Variants in TMPRSS15 observed in about 807,000 individuals in gnomAD.
TMPRSS15 encodes the protein transmembrane serine protease 15.
A neutral mutation model predicts 125.3 loss-of-function variants in TMPRSS15; 128 were observed. The ratio of observed to expected loss-of-function variants is 1.02; its 90% CI spans 0.89 to 1.18. The LOEUF is 1.18. TMPRSS15 is among the 50% of genes most tolerant of loss of function. TMPRSS15 has a pLI of 0.00. For synonymous variants in TMPRSS15, 446 were observed against 423.2 expected, an observed-to-expected ratio of 1.05 and a Z score of -0.66; for missense variants, 1,283 against 1,212.7, an observed-to-expected ratio of 1.06 and a Z score of -0.86.
At chr21:18,304,606 G>A (rs1161773848) in intron 18 of TMPRSS15, among the ~76,000 whole-genome samples, 1 of 152,012 alleles carries the variant, frequency 6.6e-6, no homozygotes, top group East Asian at 1.9e-4. Flanking sequence ...AAAATTATTA[G>A]CAACATCTAT....
At position 18,415,619 on chromosome 21, in the gene TMPRSS15, C is replaced by T. The variant is rs116314265; in HGVS notation, c.11-17290G>A. Reference sequence around the variant, plus strand: ...TTTTTGAAGAAATTATACTTCCTTACCCATTGTGTATCCTTAGCACTGTTG... The same window carrying T: ...TTTTTGAAGAAATTATACTTCCTTATCCATTGTGTATCCTTAGCACTGTTG... On this transcript the variant is annotated intron_variant, in intron 1 of 7. Transcript: ENST00000422787. Among the ~76,000 whole-genome samples, 1,173 of 152,152 alleles carry T rather than the reference C, an allele frequency of 7.7e-3. 19 individuals are homozygous for T. The highest frequency in any genetic ancestry group is 0.027 in the African/African-American group (1,118 of 41,532).
rs1434705990 is a variant in TMPRSS15, at chr21:18,365,601, TCTTTC to T, written c.665-358_665-354del. Among the ~76,000 whole-genome samples, 115 of 123,544 alleles carry T rather than the reference TCTTTC, an allele frequency of 9.3e-4. 3 individuals carry two copies. The highest frequency in any genetic ancestry group is 3.3e-3 in the African/African-American group (108 of 33,214). 81.0% of individuals were successfully genotyped at this position (123,544 alleles called of 152,430 possible). On this transcript the variant is annotated intron_variant, in intron 6 of 24. Transcript: ENST00000284885. Reference sequence around the variant, plus strand: ...CTCTCTTTTTCCTTCCTTCCTTCCTTCTTTCCTTCCTTTTCTCTCTTTCTTTCTCT... The same window carrying T: ...CTCTCTTTTTCCTTCCTTCCTTCCTTCTTCCTTTTCTCTCTTTCTTTCTCT...
intron 13 of TMPRSS15, among the ~76,000 whole-genome samples, chr21:18,339,192 T>C (rs1397555585): frequency 1.3e-5 from 2 of 151,722 alleles, no homozygotes; most frequent in African/African-American, 2.4e-5. Context: ...AATGATTAAA[T>C]ATTGAGTAAC....
intron 1 of TMPRSS15, among the ~76,000 whole-genome samples, chr21:18,477,084 A>G (rs1216060789): frequency 6.6e-6 from 1 of 152,176 alleles, no homozygotes; most frequent in Non-Finnish European, 1.5e-5. Flanking sequence ...TAATGAGGGC[A>G]AAAGTTAATA....
At position 18,384,655 on chromosome 21, in the gene TMPRSS15, C is replaced by A. The variant is rs531470335; in HGVS notation, c.345-877G>T. On this transcript the variant is annotated intron_variant, in intron 3 of 24. Transcript: ENST00000284885. ...TTTTAGGGTATGACCACTTGGGAGA[C>A]AAACTATAGCTCTGATATTTATTCT... Among the ~76,000 whole-genome samples the A allele has an allele frequency of 4.6e-5, 7 of 152,236 alleles. 1 individual carries two copies. In the South Asian group the frequency reaches 1.2e-3, roughly 27 times the overall value.
intron 1 of TMPRSS15, among the ~76,000 whole-genome samples, chr21:18,472,496 TACAC>T (rs1402160101): frequency 6.8e-6 from 1 of 147,552 alleles, no homozygotes; most frequent in African/African-American, 2.5e-5. Context: ...CACACACACA[TACAC>T]ACACATATAT....
At chr21:18,393,450 C>T (rs1002470696) in intron 3 of TMPRSS15, among the ~76,000 whole-genome samples, 6 of 152,156 alleles carry the variant, frequency 3.9e-5, no homozygotes, top group Non-Finnish European at 7.4e-5. Context: ...TTGTTAGTCA[C>T]ATTACATGAG....
In TMPRSS15 at chr21:18,448,136, G is replaced by A. The variant is rs181512033; in HGVS notation, c.10+37663C>T. On this transcript the variant is annotated intron_variant, in intron 1 of 7. Transcript: ENST00000422787. ...CGTATATCCAAAGGAAATTAAATCA[G>A]TATGTTGAAGAGGTATCTACATTTC... is the stretch of plus-strand genomic sequence containing the variant. Among the ~76,000 whole-genome samples the A allele has an allele frequency of 3.5e-3, 539 of 152,234 alleles. 4 individuals are homozygous for A. The highest frequency in any genetic ancestry group is 0.02 in the South Asian group (94 of 4,812).
intron 1 of TMPRSS15, among the ~76,000 whole-genome samples, chr21:18,465,931 C>CA (rs1382428673): frequency 1.3e-5 from 2 of 151,966 alleles, no homozygotes; most frequent in African/African-American, 2.4e-5. Flanking sequence ...CATATGGAAC[C>CA]AAAAAAGAGC....
At chr21:18,456,873 C>CT in intron 1 of TMPRSS15, among the ~76,000 whole-genome samples, 1 of 151,970 alleles carries the variant, frequency 6.6e-6, no homozygotes, top group East Asian at 1.9e-4. Context: ...AGGTAACTTT[C>CT]TTTTTAGGTA....
At chr21:18,341,891 G>A (rs567498257) in intron 12 of TMPRSS15, among the ~76,000 whole-genome samples, 1 of 152,208 alleles carries the variant, frequency 6.6e-6, no homozygotes, top group East Asian at 1.9e-4. Flanking sequence ...ATATCATCTG[G>A]CAGGAGAAAG....
At chr21:18,385,937 G>T (rs1008459709) in intron 3 of TMPRSS15, among the ~76,000 whole-genome samples, 10 of 151,966 alleles carry the variant, frequency 6.6e-5, no homozygotes, top group Non-Finnish European at 8.8e-5. Flanking sequence ...TAGAGATGGG[G>T]TTTCACCATG....
rs111744345 is a variant in TMPRSS15, at chr21:18,376,465, A to G, written c.532+2818T>C. ...AATCGAGGAAAATAATTCTACCTTG[A>G]GTTGTTTTGGCCCAATTTCATGTTT... On this transcript the variant is annotated intron_variant, in intron 5 of 24. Coordinates refer to ENST00000284885, the MANE Select transcript of TMPRSS15 (RefSeq NM_002772.3). 2.6e-3 allele frequency among the ~76,000 whole-genome samples: 395 copies of G among 152,268 alleles called. 4 individuals carry two copies. The highest frequency in any genetic ancestry group is 8.6e-3 in the African/African-American group (359 of 41,550).
chr21:18,459,540 C>T (rs1005110370), intron 1 of TMPRSS15, among the ~76,000 whole-genome samples: 3 of 152,176 alleles, frequency 2.0e-5, no homozygotes, highest in Non-Finnish European at 4.4e-5. Flanking sequence ...TCCCAAAGTG[C>T]TGGGATTACA....
intron 8 of TMPRSS15, among the ~76,000 whole-genome samples, chr21:18,359,218 C>T (rs118019419): frequency 6.6e-5 from 10 of 152,004 alleles, no homozygotes; most frequent in African/African-American, 1.9e-4. Context: ...CTTCCAGCCC[C>T]GTCCATGTGT....
chr21:18,293,700 G>C (rs1397346000), intron 21 of TMPRSS15, among the ~76,000 whole-genome samples: 1 of 152,074 alleles, frequency 6.6e-6, no homozygotes, highest in Non-Finnish European at 1.5e-5. Flanking sequence ...TCCTATTATA[G>C]TATAAAACAG....
intron 3 of TMPRSS15, among the ~76,000 whole-genome samples, chr21:18,397,643 T>G (rs2076052446): frequency 1.3e-5 from 2 of 152,186 alleles, no homozygotes; most frequent in Admixed American, 1.3e-4. Flanking sequence ...TCCATGTGTC[T>G]CTGCAAGATT....
Position 18,449,594 on chromosome 21 carries a change from T to C in TMPRSS15, c.10+36205A>G, listed in dbSNP as rs114373357. Among the ~76,000 whole-genome samples, 1,343 of 152,276 alleles carry C rather than the reference T, an allele frequency of 8.8e-3. 21 individuals carry two copies. Among genetic ancestry groups the C allele is most frequent in the African/African-American group, 0.03 (1,234 of 41,568 alleles). Reference sequence around the variant, plus strand: ...GGGATACTAATTGAACCTCCTTCTGTAGGCATTTGTGACTGCCTATGAGCT... The same window carrying C: ...GGGATACTAATTGAACCTCCTTCTGCAGGCATTTGTGACTGCCTATGAGCT... On this transcript the variant is annotated intron_variant, in intron 1 of 7. Transcript: ENST00000422787.
chr21:18,423,570 G>A (rs998373373), intron 1 of TMPRSS15, among the ~76,000 whole-genome samples: 1 of 151,222 alleles, frequency 6.6e-6, no homozygotes, highest in African/African-American at 2.4e-5. Flanking sequence ...CACCACACCC[G>A]GCTAATTTTT....
Sources: allele counts gnomAD v4.1 joint callset (sites outside exome capture counted in the v4.1 genomes callset), GRCh38; gene constraint gnomAD v4.1.1; transcripts MANE v1.5; gene names NCBI Gene and HGNC (gene_info 2026-07-23, HGNC 2026-07-21).